The following ATP11A variants were observed in gnomAD, a reference collection of about 807,000 sequenced individuals.
ATP11A encodes phospholipid-transporting ATPase IH.
Under a neutral mutation model 154.4 loss-of-function variants are expected in ATP11A, and 81 were observed. The observed-to-expected ratio is 0.52, with a 90% CI of 0.44 to 0.63. The LOEUF (loss-of-function observed/expected upper bound fraction) is 0.63, where lower values mean the gene tolerates loss of function less well. ATP11A is among the 30% of genes least tolerant of loss of function. The pLI is 0.00. For missense variants in ATP11A, 1,316 were observed against 1,474.3 expected, an observed-to-expected ratio of 0.89 and a Z score of 1.76; for synonymous variants, 623 against 585.9, an observed-to-expected ratio of 1.06 and a Z score of -0.91.
rs139026907 is a variant in ATP11A, at chr13:112,770,214, C to T, written c.40-14921C>T. On this transcript the variant is annotated intron_variant, in intron 1 of 29. Transcript: ENST00000375645. ...GAGAATTTATATTTTTATTTCAGTT[C>T]TGGACCCAGTAAACTATGGTCTAGG... Among the ~76,000 whole-genome samples, 830 of 152,270 alleles carry T rather than the reference C, an allele frequency of 5.5e-3. 7 individuals carry two copies. The highest frequency in any genetic ancestry group is 0.018 in the African/African-American group (747 of 41,560).
chr13:112,846,554 G>T lies in ATP11A; in HGVS notation c.1809+4175G>T, dbSNP rs541341608. Reference sequence around the variant, plus strand: ...GACTGTTTAAATCCTCCTCGCTAACGGATGGGACGTGTGTGATAACGGTGG... The same window carrying T: ...GACTGTTTAAATCCTCCTCGCTAACTGATGGGACGTGTGTGATAACGGTGG... On this transcript the variant is annotated intron_variant, in intron 17 of 29. Coordinates refer to ENST00000375645, the MANE Select transcript of ATP11A (RefSeq NM_015205.3). Among the ~76,000 whole-genome samples, 3 of 152,104 alleles carry T rather than the reference G, an allele frequency of 2.0e-5. 1 individual carries two copies. The East Asian group carries it at 5.8e-4, about 29-fold the overall frequency.
chr13:112,696,143 A>G lies in ATP11A; in HGVS notation c.39+5688A>G, dbSNP rs1165984756. Among the ~76,000 whole-genome samples, 2 of 152,172 alleles carry G rather than the reference A, an allele frequency of 1.3e-5. No homozygotes were observed. Among genetic ancestry groups the G allele is most frequent in the Non-Finnish European group, 2.9e-5 (2 of 68,038 alleles). On this transcript the variant is annotated intron_variant, in intron 1 of 29. Coordinates refer to ENST00000375645, the MANE Select transcript of ATP11A (RefSeq NM_015205.3). This position sits in a 1 kb window ranked among gnomAD's most constrained non-coding sequence, Gnocchi z 6.2. ...CAAGGTGGGGACTATGATGGTGCCC[A>G]CCTGGTGGGTCTGTGCAGTGACGGG...
chr13:112,792,147 C>T (rs190549150), intron 2 of ATP11A, among the ~76,000 whole-genome samples: 18 of 152,282 alleles, frequency 1.2e-4, no homozygotes, highest in South Asian at 4.1e-4. Flanking sequence ...AAATTACATC[C>T]GGCAATACCT....
rs950048166 is a variant in ATP11A at position 112,882,473 on chromosome 13, C to T, written c.*607C>T. 5.3e-5 allele frequency: 24 copies of T among 455,060 alleles called. No homozygotes were observed. The highest frequency in any genetic ancestry group is 4.3e-4 in the African/African-American group (22 of 51,010). The allele number at this position is 455,060 out of a possible 1,614,324, so 28.2% of individuals were successfully genotyped here. ...TGGTGGTGCGTCCTTTACTCAACAA[C>T]CCTCCAATCCGGATGCTGTGGGAAG... On this transcript the variant is annotated 3_prime_UTR_variant, in exon 30 of 30. Coordinates refer to ENST00000375645, the MANE Select transcript of ATP11A (RefSeq NM_015205.3). The surrounding 1 kb of genome is among the most constrained non-coding windows in gnomAD (Gnocchi z 5.1).
chr13:112,836,112 C>A, intron 15 of ATP11A, 66 bp from the exon 16 acceptor site: 2 of 1,220,984 alleles, frequency 1.6e-6, no homozygotes, highest in Non-Finnish European at 2.4e-6. Context: ...GAGAGCTCCA[C>A]AGTTACCAGA....
chr13:112,848,986 C>G (rs2079686116), intron 17 of ATP11A, among the ~76,000 whole-genome samples: 1 of 152,238 alleles, frequency 6.6e-6, no homozygotes, highest in African/African-American at 2.4e-5. Context: ...TCATGCCTTG[C>G]TGGTTTTTTC....
intron 9 of ATP11A, 105 bp downstream of exon 9, chr13:112,823,514 GGT>G (rs575580526): frequency 1.7e-4 from 149 of 889,014 alleles, no homozygotes; most frequent in Middle Eastern, 1.1e-3. Flanking sequence ...GGCACCTTGA[GGT>G]GCTGGAGGCT....
intron 1 of ATP11A, among the ~76,000 whole-genome samples, chr13:112,748,966 C>A (rs1027415384): frequency 4.6e-5 from 7 of 152,220 alleles, no homozygotes; most frequent in Non-Finnish European, 1.0e-4. Flanking sequence ...TTCCACATCA[C>A]GGAGCACACA....
chr13:112,806,079 G>T, intron 3 of ATP11A, 134 bp from the exon 4 acceptor site: 2 of 617,706 alleles, frequency 3.2e-6, no homozygotes, highest in Non-Finnish European at 2.9e-6. Flanking sequence ...CTCCCGTGGT[G>T]GGCAGTCAGG....
intron 1 of ATP11A, among the ~76,000 whole-genome samples, chr13:112,707,079 C>T (rs907184292): frequency 6.6e-5 from 10 of 152,160 alleles, no homozygotes; most frequent in African/African-American, 2.2e-4. Flanking sequence ...GCCCAGGAGC[C>T]GCTGGGAACC....
intron 16 of ATP11A, among the ~76,000 whole-genome samples, chr13:112,840,053 T>C (rs894368870): frequency 6.6e-6 from 1 of 152,154 alleles, no homozygotes; most frequent in East Asian, 1.9e-4. Context: ...TCTGCAGTTC[T>C]GCAGAGATCC....
chr13:112,858,080 C>G (rs909309544), intron 21 of ATP11A, 65 bp from the exon 22 acceptor site: 1 of 1,588,418 alleles, frequency 6.3e-7, no homozygotes, highest in Non-Finnish European at 8.6e-7. Flanking sequence ...GTTCTTCTCC[C>G]CGTCCCTGCC....
intron 2 of ATP11A, among the ~76,000 whole-genome samples, chr13:112,796,337 AG>A (rs1253133356): frequency 6.6e-6 from 1 of 152,214 alleles, no homozygotes; most frequent in Non-Finnish European, 1.5e-5. Flanking sequence ...GTCTGTGGCC[AG>A]GGAATCAAGA....
intron 1 of ATP11A, among the ~76,000 whole-genome samples, chr13:112,755,040 CCGT>C (rs1379810125): frequency 3.3e-5 from 5 of 152,256 alleles, no homozygotes; most frequent in Non-Finnish European, 7.3e-5. Context: ...AGCCAGGGCG[CCGT>C]CGTCAGTCCA....
At chr13:112,868,869 C>T (rs536209989) in intron 25 of ATP11A, among the ~76,000 whole-genome samples, 3 of 152,088 alleles carry the variant, frequency 2.0e-5, no homozygotes, top group Non-Finnish European at 2.9e-5. Flanking sequence ...ACAATCATGG[C>T]GGAAGGCAAA....
chr13:112,733,982 C>G (rs1890744291), intron 1 of ATP11A, among the ~76,000 whole-genome samples: 1 of 152,150 alleles, frequency 6.6e-6, no homozygotes, highest in Non-Finnish European at 1.5e-5. Context: ...GGTCATTTGT[C>G]AAACAAATAC....
At chr13:112,860,987 T>G (rs1214899897) in intron 24 of ATP11A, among the ~76,000 whole-genome samples, 1 of 152,108 alleles carries the variant, frequency 6.6e-6, no homozygotes, top group African/African-American at 2.4e-5. Context: ...ACTGGGTAAT[T>G]TATGAAGGAA....
chr13:112,789,856 T>C (rs1204079379), intron 2 of ATP11A, among the ~76,000 whole-genome samples: 1 of 151,022 alleles, frequency 6.6e-6, no homozygotes, highest in East Asian at 1.9e-4. Flanking sequence ...TGTGGAGACC[T>C]ACTTAATTCA....
chr13:112,830,460 C>T (rs754190401), intron 12 of ATP11A, among the ~76,000 whole-genome samples: 1 of 152,114 alleles, frequency 6.6e-6, no homozygotes, highest in Non-Finnish European at 1.5e-5. Context: ...CCTGTAATCC[C>T]AGCTACTCTG....
Sources: allele counts gnomAD v4.1 joint callset (sites outside exome capture counted in the v4.1 genomes callset), GRCh38; gene constraint gnomAD v4.1.1; non-coding constraint Gnocchi (gnomAD v3.1); transcripts MANE v1.5; gene names NCBI Gene and HGNC (gene_info 2026-07-23, HGNC 2026-07-21).